The following NPC1L1 variants were observed in gnomAD, a reference collection of about 807,000 sequenced individuals.
The protein encoded by NPC1L1 is NPC1 like intracellular cholesterol transporter 1.
A neutral mutation model predicts 117.0 loss-of-function variants in NPC1L1; 98 were observed. That is an observed-to-expected ratio of 0.84 (90% CI 0.71 to 0.99). The LOEUF (loss-of-function observed/expected upper bound fraction) is 0.99, where lower values mean the gene tolerates loss of function less well. Among genes scored for constraint, NPC1L1 ranks in the 50% least tolerant of loss-of-function variants. NPC1L1 has a pLI of 0.00. For missense variants in NPC1L1, 1,540 were observed against 1,710.0 expected (o/e 0.90, Z 1.75); for synonymous variants, 729 against 727.6 (o/e 1.00, Z -0.03).
Position 44,533,350 on chromosome 7 carries a change from GT to G in NPC1L1, c.2409+80del, listed in dbSNP as rs1380142642. 8.3e-6 allele frequency: 13 copies of G among 1,575,020 alleles called. No individual in the cohort carries two copies. The Admixed American group carries it at 2.2e-4, about 26-fold the overall frequency. ...CCACCCCATTCTCTGGGCCATCTCT[GT>G]GGTGGTAAAGCCACCCCATCTCCCT... On this transcript the variant is annotated intron_variant, in intron 8 of 18. Transcript: ENST00000381160.
intron 1 of NPC1L1, 145 bp downstream of exon 1, chr7:44,541,061 T>A: frequency 1.2e-6 from 1 of 823,220 alleles, no homozygotes; most frequent in Non-Finnish European, 1.9e-6. Context: ...GGGCCTGGCA[T>A]CCCTCATGTG....
At chr7:44,515,752 TGTC>T in intron 18 of NPC1L1, 48 bp downstream of exon 18, 1 of 1,610,996 alleles carries the variant, frequency 6.2e-7, no homozygotes. Flanking sequence ...CTGTTACTGT[TGTC>T]GTCAGCATAA....
In NPC1L1 at chr7:44,520,829, A is replaced by G. The variant is rs1801330564; in HGVS notation, c.3081-9T>C. 6.2e-7 allele frequency: 1 copy of G among 1,614,068 alleles called. No individual in the cohort carries two copies. The highest frequency in any genetic ancestry group is 8.5e-7 in the Non-Finnish European group (1 of 1,179,962). ...TGTATGCTGCCAGGCCGCTGCAAGA[A>G]GGTCAGGGCAAAGGCTTAGCCAGGG... On this transcript the variant is annotated splice_polypyrimidine_tract_variant and intron_variant, in intron 13 of 18. Transcript: ENST00000381160.
chr7:44,533,215 T>C (rs1801756958), intron 8 of NPC1L1: 2 of 505,522 alleles, frequency 4.0e-6, no homozygotes, highest in African/African-American at 1.9e-5. Flanking sequence ...TCATGCACTT[T>C]AGGAGGTTTG....
intron 14 of NPC1L1, among the ~76,000 whole-genome samples, chr7:44,520,461 C>T (rs560662054): frequency 3.9e-5 from 6 of 152,228 alleles, no homozygotes; most frequent in African/African-American, 1.4e-4. Context: ...AACCAGCTGC[C>T]CTTTGGGTGT....
Position 44,532,216 on chromosome 7 carries a change from G to T in NPC1L1, c.2411C>A (p.Ala804Asp). 1 of 1,613,540 alleles carries T rather than the reference G, an allele frequency of 6.2e-7. No homozygotes were observed. Among genetic ancestry groups the T allele is most frequent in the South Asian group, 1.1e-5 (1 of 91,084 alleles). ...LLSLDSKRQEASRLDVCCCVK... is the reference protein window; with the variant it reads ...LLSLDSKRQEDSRLDVCCCVK... ...ACAGCAGCAGACGTCCAACCGGGAG[G>T]CCTGGAGTGGGAGGCACCCCCTCAA... Residue 804 changes from alanine to aspartate, a missense_variant and splice_region_variant, in exon 9 of 19, where the codon GCC (alanine) becomes GAC (aspartate). Transcript: ENST00000381160.
At position 44,534,148 on chromosome 7, in the gene NPC1L1, C is replaced by T. The variant is rs1277898382; in HGVS notation, c.2167-295G>A. On this transcript the variant is annotated intron_variant, in intron 6 of 18. Transcript: ENST00000381160. The surrounding 1 kb of genome is among the most constrained non-coding windows in gnomAD (Gnocchi z 5.2). ...TGAAATCGACTCTGATTTATCCTTA[C>T]CATGGAATGCTACCTAGCAGCATAA... is the stretch of plus-strand genomic sequence containing the variant. Among the ~76,000 whole-genome samples, 3 of 152,212 alleles carry T rather than the reference C, an allele frequency of 2.0e-5. No individual in the cohort carries two copies. Among genetic ancestry groups the T allele is most frequent in the Non-Finnish European group, 4.4e-5 (3 of 68,040 alleles).
chr7:44,531,607 G>C, intron 10 of NPC1L1, 148 bp downstream of exon 10: 1 of 681,054 alleles, frequency 1.5e-6, no homozygotes, highest in African/African-American at 1.8e-5. Flanking sequence ...CACTCCCCAG[G>C]ACTGCTGGAG....
intron 12 of NPC1L1, 50 bp from the exon 13 acceptor site, chr7:44,521,168 C>T: frequency 6.2e-7 from 1 of 1,612,566 alleles, no homozygotes; most frequent in Non-Finnish European, 8.5e-7. Context: ...GCCAGCAGCT[C>T]CTGCTTTGTG....
Position 44,535,968 on chromosome 7 carries a change from G to T in NPC1L1, c.1855C>A (p.Arg619Ser). 1.9e-6 allele frequency: 3 copies of T among 1,612,978 alleles called. No homozygotes were observed. The highest frequency in any genetic ancestry group is 2.7e-5 in the African/African-American group (2 of 75,004). Residue 619 changes from arginine to serine, a missense_variant and splice_region_variant, in exon 5 of 19, where the codon CGC becomes AGC. Physicochemically the swap from Arg to Ser is moderately radical, Grantham distance 110 (BLOSUM62 -1). Transcript: ENST00000381160. Reference protein sequence around the residue: ...GMFQVTFMAERSLEDEINRTT... With the variant: ...GMFQVTFMAESSLEDEINRTT... Reference sequence around the variant, plus strand: ...CGATTGATCTCGTCTTCCAGAGAGCGCTGTGGACACACACCCGACCAGCCC... The same window carrying T: ...CGATTGATCTCGTCTTCCAGAGAGCTCTGTGGACACACACCCGACCAGCCC...
At chr7:44,529,153 A>G (rs1021061938) in intron 10 of NPC1L1, among the ~76,000 whole-genome samples, 265 of 135,610 alleles carry the variant, frequency 2.0e-3, no homozygotes, top group Middle Eastern at 3.8e-3. Context: ...ACACACACAC[A>G]CACACACACA....
chr7:44,526,368 G>T (rs907914722), intron 10 of NPC1L1, among the ~76,000 whole-genome samples: 1 of 151,526 alleles, frequency 6.6e-6, no homozygotes, highest in Non-Finnish European at 1.5e-5. Context: ...GACTAACATG[G>T]TGAGACCCCA....
chr7:44,540,270 G>C lies in NPC1L1; in HGVS notation c.127C>G (p.Pro43Ala), dbSNP rs746983601. ...GTCATGAGGCTTCCAGACAGCTCTG[G>C]GTTCTTCCCACATTCGTCATAGAAG... is the stretch of plus-strand genomic sequence containing the variant. ...CAFYDECGKNPELSGSLMTLS... is the reference protein window; with the variant it reads ...CAFYDECGKNAELSGSLMTLS... The change falls in exon 2 of 19, where the codon CCA (proline) becomes GCA (alanine). Residue 43 changes from proline to alanine, a missense_variant. Transcript: ENST00000381160. 10 of 1,613,960 alleles carry C rather than the reference G, an allele frequency of 6.2e-6. No homozygotes were observed. Among genetic ancestry groups the C allele is most frequent in the Non-Finnish European group, 8.5e-6 (10 of 1,180,034 alleles).
At position 44,539,678 on chromosome 7, in the gene NPC1L1, A is replaced by G; in HGVS notation, c.719T>C (p.Val240Ala). 2.5e-6 allele frequency: 4 copies of G among 1,613,370 alleles called. No homozygotes were observed. Among genetic ancestry groups the G allele is most frequent in the Middle Eastern group, 1.6e-4 (1 of 6,062 alleles). Residue 240 changes from valine to alanine, a missense_variant, in exon 2 of 19, where the codon GTT (valine) becomes GCT (alanine). Physicochemically the swap from Val to Ala is moderately conservative, Grantham distance 64. Around this residue, in one of 3 missense-constraint regions of NPC1L1, gnomAD observed 793 missense variants for 820.4 expected, o/e 0.97. Transcript: ENST00000381160. This position sits in a 1 kb window ranked among gnomAD's most constrained non-coding sequence, Gnocchi z 4.4. ...ACCTTGGGACTCATTGCAACGTGCA[A>G]CCCCCTCATTCAGAGGCTGAATCCC... ...GSGIQPLNEG[V>A]ARCNESQGDD... is the part of the protein sequence containing the mutation.
rs138244512 is a variant in NPC1L1 at position 44,538,218 on chromosome 7, C to T, written c.1580+599G>A. On this transcript the variant is annotated intron_variant, in intron 2 of 18. Coordinates refer to ENST00000381160, the MANE Select transcript of NPC1L1 (RefSeq NM_001101648.2). This position sits in a 1 kb window ranked among gnomAD's most constrained non-coding sequence, Gnocchi z 5.9. ...CTGCTGCTGCCCTTGGCTCTTGGCC[C>T]CCTTGGCCCAGCAGCGTTGTTGGCA... is the stretch of plus-strand genomic sequence containing the variant. Among the ~76,000 whole-genome samples, 2 of 152,362 alleles carry T rather than the reference C, an allele frequency of 1.3e-5. No homozygotes were observed. The highest frequency in any genetic ancestry group is 2.1e-4 in the South Asian group (1 of 4,832).
At position 44,536,804 on chromosome 7, in the gene NPC1L1, AT is replaced by A; in HGVS notation, c.1681+37del. On this transcript the variant is annotated intron_variant, in intron 3 of 18. Coordinates refer to ENST00000381160, the MANE Select transcript of NPC1L1 (RefSeq NM_001101648.2). The surrounding 1 kb of genome is among the most constrained non-coding windows in gnomAD (Gnocchi z 4.7). ...TCTATGGTTCCTGCCCCAATACTGC[AT>A]CTTCCTTGGCTTCCTCTCAGGGCCC... 1 of 1,548,954 alleles carries A rather than the reference AT, an allele frequency of 6.5e-7. No individual in the cohort carries two copies.
rs182586082 is a variant in NPC1L1 at position 44,534,419 on chromosome 7, G to C, written c.2166+28C>G. The C allele has an allele frequency of 7.4e-6, 12 of 1,612,502 alleles. No homozygotes were observed. The highest frequency in any genetic ancestry group is 1.3e-5 in the African/African-American group (1 of 74,892). ...AGGTTGGGAGAAGAGTGGGCAGTTG[G>C]GGGTGTGGAGAGCTCCTCCCTTCTT... On this transcript the variant is annotated intron_variant, in intron 6 of 18. Coordinates refer to ENST00000381160, the MANE Select transcript of NPC1L1 (RefSeq NM_001101648.2). This position sits in a 1 kb window ranked among gnomAD's most constrained non-coding sequence, Gnocchi z 5.2.
rs1562571283 is a variant in NPC1L1, at chr7:44,539,256, C to T, written c.1141G>A (p.Glu381Lys). 1 of 1,614,060 alleles carries T rather than the reference C, an allele frequency of 6.2e-7. No individual in the cohort carries two copies. The highest frequency in any genetic ancestry group is 8.5e-7 in the Non-Finnish European group (1 of 1,180,032). ...VFTELTTDPV[E>K]LWSAPNSQAR... is the part of the protein sequence containing the mutation. ...TGGCTGTTGGGGGCCGACCACAGCT[C>T]CACGGGGTCCGTAGTGAGTTCTGTA... Residue 381 changes from glutamate (E) to lysine (K), a missense_variant, in exon 2 of 19, where the codon GAG becomes AAG. By Grantham distance (56) the Glu-to-Lys change is moderately conservative. This residue lies in a region of NPC1L1 where 793 missense variants were observed against 820.4 expected (regional missense o/e 0.97). Transcript: ENST00000381160. This position sits in a 1 kb window ranked among gnomAD's most constrained non-coding sequence, Gnocchi z 4.4.
Position 44,516,870 on chromosome 7 carries a change from G to A in NPC1L1, c.3352C>T (p.Leu1118Phe), listed in dbSNP as rs747201148. Reference sequence around the variant, plus strand: ...ACAGCGAAGGTGGGCACAAGGCAGAGGCTGAGCATGAAGAGCCCCTCAGGG... The same window carrying A: ...ACAGCGAAGGTGGGCACAAGGCAGAAGCTGAGCATGAAGAGCCCCTCAGGG... ...ILPEGLFMLS[L>F]CLVPTFAVSC... Residue 1118 changes from leucine to phenylalanine, a missense_variant, in exon 16 of 19, where the codon CTC becomes TTC. Transcript: ENST00000381160. The A allele has an allele frequency of 3.7e-6, 6 of 1,614,086 alleles. 1 individual carries two copies. The highest frequency in any genetic ancestry group is 3.3e-5 in the South Asian group (3 of 91,086).
Sources: gnomAD v4.1 joint callset for allele counts (sites outside exome capture counted in the v4.1 genomes callset) on GRCh38, gnomAD v4.1.1 for gene constraint, gnomAD v4.1.1 regional missense constraint, Gnocchi (gnomAD v3.1) non-coding constraint, MANE v1.5 for transcripts, NCBI Gene and HGNC (gene_info 2026-07-23, HGNC 2026-07-21) for gene names.